The following PCDHAC1 variants were observed in gnomAD, a reference collection of about 807,000 sequenced individuals.
PCDHAC1 encodes the protein protocadherin alpha-C1.
PCDHAC1 carries 42 observed loss-of-function variants against 60.0 expected under a neutral mutation model. That is an observed-to-expected ratio of 0.70 (90% CI 0.55 to 0.90). The LOEUF (loss-of-function observed/expected upper bound fraction) is 0.90. PCDHAC1 is among the 40% of genes least tolerant of loss of function. The pLI, the probability that PCDHAC1 is intolerant of heterozygous loss-of-function variation, is 0.00. For synonymous variants in PCDHAC1, 468 were observed against 499.3 expected (o/e 0.94, Z 0.84); for missense variants, 1,160 against 1,222.3 (o/e 0.95, Z 0.76).
intron 1 of PCDHAC1, among the ~76,000 whole-genome samples, chr5:140,969,721 C>A (rs1399042401): frequency 6.6e-5 from 10 of 152,126 alleles, no homozygotes; most frequent in African/African-American, 2.2e-4. Context: ...GGAAATTTTT[C>A]TTTTGAAATC....
Position 140,929,104 on chromosome 5 carries a change from A to G in PCDHAC1, c.2212A>G (p.Thr738Ala). The change falls in exon 1 of 4, where the codon ACA becomes GCA. Residue 738 changes from threonine to alanine, a missense_variant. This residue lies in a region of PCDHAC1 where 1,113 missense variants were observed against 1,163.7 expected (regional missense o/e 0.96). Transcript: ENST00000253807. ...GSKMVSNPCM[T>A]SATIDVTTVE... ...TAAGATGGTTTCAAATCCTTGCATG[A>G]CATCAGCCACCATAGATGTCACTAC... 6.2e-7 allele frequency: 1 copy of G among 1,614,240 alleles called. No homozygotes were observed.
intron 1 of PCDHAC1, among the ~76,000 whole-genome samples, chr5:140,954,517 A>G (rs1554221451): frequency 6.6e-6 from 1 of 152,182 alleles, no homozygotes; most frequent in Non-Finnish European, 1.5e-5. Flanking sequence ...TTACCTAATG[A>G]TCAGTGATGT....
At position 140,946,316 on chromosome 5, in the gene PCDHAC1, G is replaced by C. The variant is rs1293160526; in HGVS notation, c.2433+16991G>C. ...CACACCTGGTAGAATGGCTATTATTGAAAGAGGAAAGATAACAAGTGATGG... is the reference window on the plus strand; with the variant it reads ...CACACCTGGTAGAATGGCTATTATTCAAAGAGGAAAGATAACAAGTGATGG... On this transcript the variant is annotated intron_variant, in intron 1 of 3. Transcript: ENST00000253807. Among the ~76,000 whole-genome samples, 3 of 151,662 alleles carry C rather than the reference G, an allele frequency of 2.0e-5. No individual in the cohort carries two copies. In the East Asian group the frequency reaches 5.8e-4, roughly 29 times the overall value.
intron 1 of PCDHAC1, chr5:140,966,810 G>C (rs1290992432): frequency 3.2e-6 from 5 of 1,548,566 alleles, no homozygotes; most frequent in Non-Finnish European, 4.3e-6. Context: ...GAGCATCCAC[G>C]GCTCCGGCGG....
At chr5:141,002,474 C>T (rs141241701) in intron 3 of PCDHAC1, among the ~76,000 whole-genome samples, 65 of 152,334 alleles carry the variant, frequency 4.3e-4, no homozygotes, top group African/African-American at 1.3e-3. Flanking sequence ...TTAGCATTTT[C>T]AAAGGATGAC....
chr5:140,960,188 G>A (rs1371016387), intron 1 of PCDHAC1, among the ~76,000 whole-genome samples: 7 of 152,132 alleles, frequency 4.6e-5, no homozygotes, highest in Non-Finnish European at 7.4e-5. Flanking sequence ...GGTTGCATGT[G>A]TAGTGGTCAG....
Position 140,929,051 on chromosome 5 carries a change from G to A in PCDHAC1, c.2159G>A (p.Arg720His), listed in dbSNP as rs1398009156. The A allele has an allele frequency of 1.2e-6, 2 of 1,614,170 alleles. No homozygotes were observed. Among genetic ancestry groups the A allele is most frequent in the South Asian group, 1.1e-5 (1 of 91,086 alleles). Residue 720 changes from arginine (R) to histidine (H), a missense_variant, in exon 1 of 4, where the codon CGC (arginine) becomes CAC (histidine). Around this residue, in one of 3 missense-constraint regions of PCDHAC1, gnomAD observed 1,113 missense variants for 1,163.7 expected, o/e 0.96. Transcript: ENST00000253807. The part of the protein sequence containing the change: ...SPGCCAQSCC[R>H]STEDLRYGSK... ...GGCTGTTGCGCTCAGAGCTGCTGTC[G>A]CTCTACAGAGGATCTGAGGTATGGA... is the stretch of plus-strand genomic sequence containing the variant.
chr5:140,987,035 G>A (rs992580023), intron 3 of PCDHAC1, among the ~76,000 whole-genome samples: 2 of 151,946 alleles, frequency 1.3e-5, no homozygotes, highest in African/African-American at 4.8e-5. Flanking sequence ...TCAACATGGC[G>A]AAACCCCATC....
chr5:140,934,346 G>T (rs941608404), intron 1 of PCDHAC1, among the ~76,000 whole-genome samples: 1 of 152,130 alleles, frequency 6.6e-6, no homozygotes, highest in South Asian at 2.1e-4. Flanking sequence ...CACCAGTACA[G>T]TGTGGAGCCA....
intron 1 of PCDHAC1, among the ~76,000 whole-genome samples, chr5:140,973,451 G>A (rs1317548382): frequency 2.0e-5 from 3 of 152,172 alleles, no homozygotes; most frequent in African/African-American, 7.2e-5. Context: ...TATAATGACT[G>A]GGGCTGTTTT....
At chr5:140,943,024 A>C (rs2093406550) in intron 1 of PCDHAC1, among the ~76,000 whole-genome samples, 1 of 152,102 alleles carries the variant, frequency 6.6e-6, no homozygotes, top group Admixed American at 6.6e-5. Context: ...TGGGAGGCTG[A>C]GGTGGGTGGA....
chr5:140,950,569 T>G (rs969438550), intron 1 of PCDHAC1, among the ~76,000 whole-genome samples: 2 of 152,120 alleles, frequency 1.3e-5, no homozygotes, highest in African/African-American at 4.8e-5. Context: ...TATTTTAAGG[T>G]TTTCTACTTA....
At chr5:140,964,998 G>C (rs2095868277) in intron 1 of PCDHAC1, among the ~76,000 whole-genome samples, 1 of 152,166 alleles carries the variant, frequency 6.6e-6, no homozygotes, top group Admixed American at 6.5e-5. Flanking sequence ...TTTGAATTCT[G>C]GGTGTCAGGA....
At chr5:140,998,738 A>G (rs1163158052) in intron 3 of PCDHAC1, among the ~76,000 whole-genome samples, 1 of 151,972 alleles carries the variant, frequency 6.6e-6, no homozygotes, top group Non-Finnish European at 1.5e-5. Context: ...CTAATTTTGT[A>G]TTTTTAGAAG....
intron 1 of PCDHAC1, chr5:140,966,502 G>GGCAGCA (rs2096011406): frequency 6.9e-6 from 3 of 433,776 alleles, no homozygotes; most frequent in Non-Finnish European, 1.2e-5. Context: ...GAGCTGTAGC[G>GGCAGCA]GCAGCAGCAG....
chr5:140,933,666 T>C (rs1334972770), intron 1 of PCDHAC1, among the ~76,000 whole-genome samples: 3 of 152,046 alleles, frequency 2.0e-5, no homozygotes, highest in Non-Finnish European at 4.4e-5. Context: ...TCTCTCTCTG[T>C]CTCTCTCACA....
intron 3 of PCDHAC1, among the ~76,000 whole-genome samples, chr5:140,987,213 C>CAA (rs58319157): frequency 8.4e-5 from 10 of 118,874 alleles, no homozygotes; most frequent in Non-Finnish European, 1.2e-4. Flanking sequence ...GACTCCATCT[C>CAA]AAAAAAAAAA....
intron 1 of PCDHAC1, among the ~76,000 whole-genome samples, chr5:140,941,810 A>T (rs188836583): frequency 6.6e-5 from 10 of 152,356 alleles, no homozygotes; most frequent in Admixed American, 4.6e-4. Flanking sequence ...TGATTTCAGT[A>T]GGATGACTGC....
At chr5:140,995,819 C>T (rs1045622508) in intron 3 of PCDHAC1, among the ~76,000 whole-genome samples, 1 of 152,088 alleles carries the variant, frequency 6.6e-6, no homozygotes, top group African/African-American at 2.4e-5. Flanking sequence ...AGGGAGATAG[C>T]CTGGCATTGC....
Sources: allele counts gnomAD v4.1 joint callset (sites outside exome capture counted in the v4.1 genomes callset), GRCh38; gene constraint gnomAD v4.1.1; regional missense constraint gnomAD v4.1.1; transcripts MANE v1.5; gene names NCBI Gene and HGNC (gene_info 2026-07-23, HGNC 2026-07-21).